Variants in CHIC2 observed in about 807,000 individuals in gnomAD.
CHIC2 encodes cysteine rich hydrophobic domain 2.
In CHIC2, 14 loss-of-function variants were observed where a neutral mutation model predicts 25.9. That is an observed-to-expected ratio of 0.54 (90% CI 0.36 to 0.85). The LOEUF (loss-of-function observed/expected upper bound fraction) is 0.85, where lower values mean the gene tolerates loss of function less well. Among genes scored for constraint, CHIC2 ranks in the 40% least tolerant of loss-of-function variants. The pLI is 0.01. For missense variants in CHIC2, 146 were observed against 202.0 expected (o/e 0.72, Z 1.68); for synonymous variants, 70 against 72.0 (o/e 0.97, Z 0.14).
the CHIC2 span, chr4:54,087,836 T>C: frequency 1.1e-5 from 4 of 363,660 alleles, no homozygotes; most frequent in Non-Finnish European, 2.1e-5. Context: ...GAAACACTTT[T>C]TGTTCTTAGT....
chr4:54,076,386 T>G, the CHIC2 span, among the ~76,000 whole-genome samples: 294 of 152,322 alleles, frequency 1.9e-3, no homozygotes, highest in East Asian at 0.037. Flanking sequence ...CTAAGACTTC[T>G]GCTGTAGGTA....
At chr4:54,060,107 C>G (rs977739998) in intron 1 of CHIC2, 2 of 152,304 alleles carry the variant, frequency 1.3e-5, no homozygotes, top group South Asian at 4.1e-4. Flanking sequence ...TCCTGAAATA[C>G]TGACACATTT....
intron 3 of CHIC2, among the ~76,000 whole-genome samples, chr4:54,042,367 TAAG>T (rs1716605363): frequency 6.6e-6 from 1 of 152,162 alleles, no homozygotes; most frequent in South Asian, 2.1e-4. Flanking sequence ...ACATCTCACA[TAAG>T]AAGGAATTTA....
chr4:54,082,451 C>T, the CHIC2 span, among the ~76,000 whole-genome samples: 9 of 151,998 alleles, frequency 5.9e-5, no homozygotes, highest in Non-Finnish European at 1.0e-4. Flanking sequence ...AAAACATCTA[C>T]GGTCTACATG....
At chr4:54,045,470 C>G (rs543946481) in intron 3 of CHIC2, among the ~76,000 whole-genome samples, 8 of 152,262 alleles carry the variant, frequency 5.3e-5, no homozygotes, top group African/African-American at 1.9e-4. Flanking sequence ...TGGGCTTCAT[C>G]CCTGGGATGC....
intron 1 of CHIC2, among the ~76,000 whole-genome samples, chr4:54,052,927 CAA>C (rs1220653456): frequency 6.6e-6 from 1 of 152,006 alleles, no homozygotes; most frequent in African/African-American, 2.4e-5. Context: ...TCTTTATTCA[CAA>C]ATATAAATAT....
At chr4:54,073,725 A>T in the CHIC2 span, among the ~76,000 whole-genome samples, 2 of 152,230 alleles carry the variant, frequency 1.3e-5, no homozygotes. Context: ...GTTTTGGGGC[A>T]ATTGGTTATG....
intron 3 of CHIC2, among the ~76,000 whole-genome samples, chr4:54,046,061 G>A (rs951136218): frequency 1.4e-5 from 2 of 146,426 alleles, no homozygotes; most frequent in Admixed American, 1.4e-4. Flanking sequence ...TTGCTTCAAA[G>A]AGAATAAAAT....
chr4:54,035,393 A>T (rs977419901), intron 3 of CHIC2, among the ~76,000 whole-genome samples: 1 of 152,192 alleles, frequency 6.6e-6, no homozygotes, highest in African/African-American at 2.4e-5. Context: ...GAAGTTTTTA[A>T]ATTACAAATT....
At chr4:54,053,192 A>C (rs996903754) in intron 1 of CHIC2, among the ~76,000 whole-genome samples, 1 of 152,238 alleles carries the variant, frequency 6.6e-6, no homozygotes, top group Non-Finnish European at 1.5e-5. Context: ...ACTGAAAAGA[A>C]CAAAAATCTT....
the CHIC2 span, among the ~76,000 whole-genome samples, chr4:54,089,462 A>G: frequency 6.6e-6 from 1 of 151,790 alleles, no homozygotes; most frequent in African/African-American, 2.4e-5. Context: ...ATATCAAAAA[A>G]TGTTTTTAAT....
the CHIC2 span, among the ~76,000 whole-genome samples, chr4:54,070,622 C>T: frequency 6.6e-6 from 1 of 152,150 alleles, no homozygotes; most frequent in South Asian, 2.1e-4. Context: ...GGGGTTTCAC[C>T]GTGTTGGCCA....
At position 54,064,075 on chromosome 4, in the gene CHIC2, C is replaced by G; in HGVS notation, c.119+107G>C. 1 of 943,234 alleles carries G rather than the reference C, an allele frequency of 1.1e-6. No homozygotes were observed. The highest frequency in any genetic ancestry group is 1.6e-6 in the Non-Finnish European group (1 of 624,572). The allele number at this position is 943,234 out of a possible 1,614,324, so 58.4% of individuals were successfully genotyped here. ...CTCACTTCCTGGTTGCCTACTCTTT[C>G]GGAAGGCCCCCGACACCAGACGGAC... On this transcript the variant is annotated intron_variant, in intron 1 of 5. Transcript: ENST00000263921. This position sits in a 1 kb window ranked among gnomAD's most constrained non-coding sequence, Gnocchi z 4.2.
the CHIC2 span, among the ~76,000 whole-genome samples, chr4:54,079,656 T>C: frequency 1.3e-5 from 2 of 152,044 alleles, no homozygotes; most frequent in African/African-American, 4.8e-5. Flanking sequence ...CCAGCAGGTA[T>C]ATAAAAGGTC....
At chr4:54,048,181 G>A (rs943977014) in intron 3 of CHIC2, among the ~76,000 whole-genome samples, 2 of 152,140 alleles carry the variant, frequency 1.3e-5, no homozygotes, top group East Asian at 1.9e-4. Flanking sequence ...GTAGAGACAG[G>A]GTTTTACCAT....
intron 3 of CHIC2, among the ~76,000 whole-genome samples, chr4:54,046,884 T>G (rs937848704): frequency 5.9e-5 from 9 of 152,196 alleles, no homozygotes; most frequent in Admixed American, 5.9e-4. Context: ...GGGAGAAAAT[T>G]TTTGCAACCT....
At chr4:54,082,972 C>A in the CHIC2 span, among the ~76,000 whole-genome samples, 4 of 149,166 alleles carry the variant, frequency 2.7e-5, no homozygotes, top group African/African-American at 7.4e-5. Flanking sequence ...ATAATATAGG[C>A]TGATGCCATT....
intron 1 of CHIC2, among the ~76,000 whole-genome samples, chr4:54,051,888 A>T (rs1717015790): frequency 6.6e-6 from 1 of 152,182 alleles, no homozygotes; most frequent in African/African-American, 2.4e-5. Flanking sequence ...CTTTACATTA[A>T]CTATCTTTAC....
intron 3 of CHIC2, among the ~76,000 whole-genome samples, chr4:54,044,577 T>C (rs1716715851): frequency 6.6e-6 from 1 of 151,840 alleles, no homozygotes; most frequent in African/African-American, 2.4e-5. Context: ...AAGGCAGAAA[T>C]AAAGATGTCC....
Sources: gnomAD v4.1 joint callset for allele counts (sites outside exome capture counted in the v4.1 genomes callset) on GRCh38, gnomAD v4.1.1 for gene constraint, Gnocchi (gnomAD v3.1) non-coding constraint, MANE v1.5 for transcripts, NCBI Gene and HGNC (gene_info 2026-07-23, HGNC 2026-07-21) for gene names.